Variants in NTN1 observed in about 807,000 individuals in gnomAD.
The protein encoded by NTN1 is netrin-1.
In NTN1, 11 loss-of-function variants were observed where a neutral mutation model predicts 54.2. The observed-to-expected ratio is 0.20, with a 90% confidence interval of 0.13 to 0.34. The LOEUF is 0.34. Ranked by LOEUF, NTN1 falls within the 10% of genes least tolerant of loss-of-function variation. The probability of loss-of-function intolerance (pLI) is 1.00; values close to 1 mark genes in which losing one functional copy is unlikely to be tolerated. For synonymous variants in NTN1, 371 were observed against 382.0 expected (o/e 0.97, Z 0.33); for missense variants, 740 against 893.1 (o/e 0.83, Z 2.18).
intron 2 of NTN1, among the ~76,000 whole-genome samples, chr17:9,115,775 G>A (rs2092209982): frequency 6.6e-6 from 1 of 152,252 alleles, no homozygotes; most frequent in African/African-American, 2.4e-5. Flanking sequence ...GAGGCGCCGG[G>A]GCAGCCTTGG....
At chr17:9,115,851 T>G (rs1597493236) in intron 2 of NTN1, among the ~76,000 whole-genome samples, 1 of 152,202 alleles carries the variant, frequency 6.6e-6, no homozygotes, top group South Asian at 2.1e-4. Context: ...GCAGCAGCCG[T>G]GTACTCGCCG....
intron 2 of NTN1, among the ~76,000 whole-genome samples, chr17:9,025,403 T>C (rs546217365): frequency 6.6e-6 from 1 of 152,348 alleles, no homozygotes; most frequent in East Asian, 1.9e-4. Flanking sequence ...TTAACGAATG[T>C]AATTAGTAAC....
chr17:9,227,565 TCA>T (rs56365655), intron 6 of NTN1, among the ~76,000 whole-genome samples: 99,623 of 147,000 alleles, frequency 0.68, 33,964 homozygotes, highest in African/African-American at 0.82. Flanking sequence ...ACACACACTA[TCA>T]CACACACACA....
At chr17:9,084,686 C>T (rs1401404091) in intron 2 of NTN1, among the ~76,000 whole-genome samples, 1 of 116,898 alleles carries the variant, frequency 8.6e-6, no homozygotes, top group East Asian at 2.9e-4. Flanking sequence ...GAGTCTCACT[C>T]TGTTGCCCAG....
intron 2 of NTN1, among the ~76,000 whole-genome samples, chr17:9,105,660 T>TTCTCTC (rs72039051): frequency 7.0e-4 from 100 of 142,100 alleles, no homozygotes; most frequent in African/African-American, 2.2e-3. Context: ...CTCTCTCTCT[T>TTCTCTC]TCTCTCTCTC....
At chr17:9,174,720 T>C (rs149162727) in intron 3 of NTN1, 24 of 152,408 alleles carry the variant, frequency 1.6e-4, no homozygotes, top group Admixed American at 1.3e-3. Context: ...AAAGCCCCTA[T>C]GTCCAAATAC....
chr17:9,159,166 T>G (rs541653450), intron 2 of NTN1, among the ~76,000 whole-genome samples: 4 of 152,158 alleles, frequency 2.6e-5, no homozygotes, highest in Non-Finnish European at 5.9e-5. Context: ...TGTTTAATCC[T>G]CCTGATCACT....
At chr17:9,138,399 G>T (rs2092287483) in intron 2 of NTN1, among the ~76,000 whole-genome samples, 2 of 152,142 alleles carry the variant, frequency 1.3e-5, no homozygotes, top group Non-Finnish European at 2.9e-5. Context: ...GCAGGAGCGG[G>T]CTTGGAAGGA....
At chr17:9,113,569 G>A (rs899868051) in intron 2 of NTN1, among the ~76,000 whole-genome samples, 2 of 152,258 alleles carry the variant, frequency 1.3e-5, no homozygotes, top group Admixed American at 1.3e-4. Context: ...GGGAGAACAT[G>A]TCAGGAGATT....
chr17:9,228,864 GAGTGTGTC>G (rs1261611640), intron 6 of NTN1, among the ~76,000 whole-genome samples: 50 of 50,992 alleles, frequency 9.8e-4, no homozygotes, highest in Middle Eastern at 0.015. Context: ...CTGTGTATGA[GAGTGTGTC>G]TGTGTGTGAC....
chr17:9,227,063 G>A (rs547721384), intron 6 of NTN1, among the ~76,000 whole-genome samples: 7 of 151,624 alleles, frequency 4.6e-5, no homozygotes, highest in African/African-American at 1.5e-4. Context: ...CTCCCATCCC[G>A]TCCCCGTGCT....
rs537376478 is a variant in NTN1 at position 9,195,225 on chromosome 17, TC to T, written c.1411+12257del. On this transcript the variant is annotated intron_variant, in intron 5 of 6. Coordinates refer to ENST00000173229, the MANE Select transcript of NTN1 (RefSeq NM_004822.3). Reference sequence around the variant, plus strand: ...TCCACCCCTCCACCCTGGGCCTCCATCACCCCAAGGAGCACAGAGAAGCCAT... The same window carrying T: ...TCCACCCCTCCACCCTGGGCCTCCATACCCCAAGGAGCACAGAGAAGCCAT... Among the ~76,000 whole-genome samples the T allele has an allele frequency of 7.2e-3, 477 of 66,380 alleles. 2 individuals carry two copies. The highest frequency in any genetic ancestry group is 0.012 in the Non-Finnish European group (369 of 31,826). The allele number at this position is 66,380 out of a possible 152,430, so 43.5% of individuals were successfully genotyped here.
At chr17:9,089,579 G>T (rs2092102399) in intron 2 of NTN1, among the ~76,000 whole-genome samples, 1 of 152,060 alleles carries the variant, frequency 6.6e-6, no homozygotes, top group Non-Finnish European at 1.5e-5. Flanking sequence ...CTCTACCCCT[G>T]GTGGGTTTTT....
chr17:9,036,036 T>C (rs1381700363), intron 2 of NTN1, among the ~76,000 whole-genome samples: 3 of 151,964 alleles, frequency 2.0e-5, no homozygotes. Flanking sequence ...AAGAAAAAAT[T>C]ATTTGTAGAG....
intron 2 of NTN1, among the ~76,000 whole-genome samples, chr17:9,029,892 C>T (rs541310971): frequency 1.7e-4 from 26 of 151,188 alleles, no homozygotes; most frequent in African/African-American, 6.3e-4. Context: ...CTTGGGAGGC[C>T]GAGGCAGGAG....
rs538688829 is a variant in NTN1 at position 9,182,060 on chromosome 17, C to G, written c.1358-856C>G. Among the ~76,000 whole-genome samples, 5 of 152,330 alleles carry G rather than the reference C, an allele frequency of 3.3e-5. No individual in the cohort carries two copies. The South Asian group carries it at 6.2e-4, about 19-fold the overall frequency. ...TGGTACCATCATAGCTCACTGCAAC[C>G]TCAAACTCCTGGGCTCAAGGAATCC... On this transcript the variant is annotated intron_variant, in intron 4 of 6. Coordinates refer to ENST00000173229, the MANE Select transcript of NTN1 (RefSeq NM_004822.3).
intron 6 of NTN1, among the ~76,000 whole-genome samples, chr17:9,225,106 C>CA (rs2142360947): frequency 6.6e-6 from 1 of 152,066 alleles, no homozygotes; most frequent in East Asian, 1.9e-4. Flanking sequence ...ATTAAAAATA[C>CA]AAAAAATTAG....
chr17:9,213,491 G>A (rs761645792), intron 5 of NTN1, among the ~76,000 whole-genome samples: 16 of 152,336 alleles, frequency 1.1e-4, no homozygotes, highest in Non-Finnish European at 2.1e-4. Context: ...GGGTCCCAGC[G>A]GCTGGGTGGT....
intron 5 of NTN1, among the ~76,000 whole-genome samples, chr17:9,201,659 A>G (rs1245696761): frequency 6.6e-6 from 1 of 152,164 alleles, no homozygotes; most frequent in Non-Finnish European, 1.5e-5. Flanking sequence ...GGAGGCCTAT[A>G]GGTAAACTTC....
Sources: gnomAD v4.1 joint callset for allele counts (sites outside exome capture counted in the v4.1 genomes callset) on GRCh38, gnomAD v4.1.1 for gene constraint, MANE v1.5 for transcripts, NCBI Gene and HGNC (gene_info 2026-07-23, HGNC 2026-07-21) for gene names.